LHFPL3: variants seen among roughly 807,000 people sequenced by gnomAD.
The protein encoded by LHFPL3 is LHFPL tetraspan subfamily member 3.
Under a neutral mutation model 19.3 loss-of-function variants are expected in LHFPL3, and 5 were observed. The observed-to-expected ratio is 0.26, with a 90% CI of 0.14 to 0.54. The LOEUF (loss-of-function observed/expected upper bound fraction) is 0.54. Ranked by LOEUF, LHFPL3 falls within the 20% of genes least tolerant of loss-of-function variation. The pLI is 0.94. For synonymous variants in LHFPL3, 133 were observed against 126.2 expected (o/e 1.05, Z -0.36); for missense variants, 249 against 307.4 (o/e 0.81, Z 1.42).
At chr7:104,641,450 G>C (rs574968698) in intron 1 of LHFPL3, among the ~76,000 whole-genome samples, 4 of 152,186 alleles carry the variant, frequency 2.6e-5, no homozygotes, top group African/African-American at 7.2e-5. Context: ...GGATCTGACC[G>C]ATTGCTTGTG....
intron 1 of LHFPL3, among the ~76,000 whole-genome samples, chr7:104,329,892 G>A (rs886400099): frequency 2.6e-5 from 4 of 152,274 alleles, no homozygotes; most frequent in Admixed American, 1.3e-4. Flanking sequence ...CCTTGTCCGT[G>A]CAAAGTTCCT....
In LHFPL3 at chr7:104,332,223, C is replaced by CTTTTTTTT. The variant is rs1183733733; in HGVS notation, c.445+3016_445+3023dup. ...TAGAATATAAAATCCTATTTCTTTT[C>CTTTTTTTT]TTTTTTTTTTTTTTTTTTTTTTTTG... On this transcript the variant is annotated intron_variant, in intron 1 of 2. Coordinates refer to ENST00000424859, the MANE Select transcript of LHFPL3 (RefSeq NM_199000.3). Among the ~76,000 whole-genome samples the CTTTTTTTT allele has an allele frequency of 2.4e-3, 152 of 63,956 alleles. 3 individuals are homozygous for CTTTTTTTT. Among genetic ancestry groups the CTTTTTTTT allele is most frequent in the East Asian group, 8.3e-3 (15 of 1,804 alleles). The allele number at this position is 63,956 out of a possible 152,430, so 42.0% of individuals were successfully genotyped here. A position where few individuals can be genotyped will look rare whatever the true frequency, so the allele number is the denominator to read the frequency against.
intron 1 of LHFPL3, among the ~76,000 whole-genome samples, chr7:104,445,325 T>C (rs1235717163): frequency 2.0e-5 from 3 of 152,142 alleles, no homozygotes; most frequent in African/African-American, 7.2e-5. Flanking sequence ...GGAATCAGAG[T>C]TCCTGGATCC....
At chr7:104,498,219 C>T (rs117009522) in intron 1 of LHFPL3, among the ~76,000 whole-genome samples, 2,552 of 151,276 alleles carry the variant, frequency 0.017, 123 homozygotes, top group Admixed American at 0.11. Flanking sequence ...CTACAAAATG[C>T]AGTTTCTAAT....
chr7:104,700,987 C>A (rs1010473556), intron 1 of LHFPL3, among the ~76,000 whole-genome samples: 1 of 152,094 alleles, frequency 6.6e-6, no homozygotes, highest in Non-Finnish European at 1.5e-5. Context: ...GGATCTGACA[C>A]CTTCATCTTT....
At chr7:104,470,046 G>A (rs1792877986) in intron 1 of LHFPL3, 1 of 455,878 alleles carries the variant, frequency 2.2e-6, no homozygotes, top group Admixed American at 2.4e-5. Context: ...GGTGTTTACT[G>A]CCTTGTGCTT....
chr7:104,878,835 A>G (rs1791994818), intron 2 of LHFPL3, among the ~76,000 whole-genome samples: 2 of 152,228 alleles, frequency 1.3e-5, no homozygotes, highest in African/African-American at 2.4e-5. Context: ...GTGAACGAAC[A>G]CACAAATGAT....
intron 1 of LHFPL3, among the ~76,000 whole-genome samples, chr7:104,362,691 G>A (rs1790409579): frequency 6.6e-6 from 1 of 152,222 alleles, no homozygotes; most frequent in Non-Finnish European, 1.5e-5. Context: ...TGTACACCCA[G>A]CTAAATGGGA....
intron 1 of LHFPL3, among the ~76,000 whole-genome samples, chr7:104,552,270 A>C (rs1794675251): frequency 6.6e-6 from 1 of 152,202 alleles, no homozygotes; most frequent in African/African-American, 2.4e-5. Flanking sequence ...TAGCAAGACC[A>C]ACGCCTAGTG....
chr7:104,896,614 A>AGGAGCAAAGGCCCAGAGGT, intron 2 of LHFPL3, among the ~76,000 whole-genome samples: 1 of 152,344 alleles, frequency 6.6e-6, no homozygotes, highest in African/African-American at 2.4e-5. Flanking sequence ...TTCCAGCAAA[A>AGGAGCAAAGGCCCAGAGGT]GGAGCAAAGG....
intron 2 of LHFPL3, among the ~76,000 whole-genome samples, chr7:104,884,064 CCAAA>C (rs1253742135): frequency 1.3e-5 from 2 of 152,072 alleles, no homozygotes; most frequent in East Asian, 1.9e-4. Flanking sequence ...TCTGTAATCC[CCAAA>C]CAGAGATAAT....
At chr7:104,641,568 C>T (rs1461696932) in intron 1 of LHFPL3, among the ~76,000 whole-genome samples, 3 of 152,160 alleles carry the variant, frequency 2.0e-5, no homozygotes, top group Non-Finnish European at 4.4e-5. Flanking sequence ...TTTGAGTATA[C>T]ACTTCCCTTT....
intron 2 of LHFPL3, among the ~76,000 whole-genome samples, chr7:104,763,321 G>C (rs567283369): frequency 6.6e-6 from 1 of 152,184 alleles, no homozygotes; most frequent in Non-Finnish European, 1.5e-5. Flanking sequence ...AAAACTAGTG[G>C]CTCCCTTGCA....
At chr7:104,655,739 C>A (rs1792110063) in intron 1 of LHFPL3, among the ~76,000 whole-genome samples, 1 of 152,224 alleles carries the variant, frequency 6.6e-6, no homozygotes, top group South Asian at 2.1e-4. Flanking sequence ...TACCTCTTAT[C>A]TTCCTTTGAA....
intron 2 of LHFPL3, among the ~76,000 whole-genome samples, chr7:104,833,293 ATT>A: frequency 2.3e-5 from 1 of 43,122 alleles, no homozygotes; most frequent in African/African-American, 1.0e-4. Flanking sequence ...ATATATATAT[ATT>A]ATATATATAA....
chr7:104,699,417 G>A (rs1222536826), intron 1 of LHFPL3, among the ~76,000 whole-genome samples: 1 of 152,204 alleles, frequency 6.6e-6, no homozygotes. Flanking sequence ...CCATAACCTT[G>A]AAGACATGCT....
chr7:104,421,076 G>A (rs1791724364), intron 1 of LHFPL3, among the ~76,000 whole-genome samples: 1 of 152,196 alleles, frequency 6.6e-6, no homozygotes, highest in African/African-American at 2.4e-5. Flanking sequence ...AACATAAGGA[G>A]ACTGGCAGAG....
chr7:104,805,047 G>A (rs937634094), intron 2 of LHFPL3, among the ~76,000 whole-genome samples: 2 of 152,202 alleles, frequency 1.3e-5, no homozygotes, highest in Non-Finnish European at 2.9e-5. Context: ...ATCTGGAGCA[G>A]CCAGAGGGCT....
intron 2 of LHFPL3, among the ~76,000 whole-genome samples, chr7:104,836,776 A>G (rs923417176): frequency 1.3e-5 from 2 of 152,218 alleles, no homozygotes; most frequent in South Asian, 2.1e-4. Flanking sequence ...TTTGGGGTGT[A>G]CAACAAACTG....
Sources: gnomAD v4.1 joint callset for allele counts (sites outside exome capture counted in the v4.1 genomes callset) on GRCh38, gnomAD v4.1.1 for gene constraint, MANE v1.5 for transcripts, NCBI Gene and HGNC (gene_info 2026-07-23, HGNC 2026-07-21) for gene names.